Variants in DLGAP2 observed in about 807,000 individuals in gnomAD.
DLGAP2 encodes disks large-associated protein 2.
Under a neutral mutation model 100.3 loss-of-function variants are expected in DLGAP2, and 26 were observed. The observed-to-expected ratio is 0.26, with a 90% CI of 0.19 to 0.36. The LOEUF (loss-of-function observed/expected upper bound fraction) is 0.36, where lower values mean the gene tolerates loss of function less well. Ranked by LOEUF, DLGAP2 falls within the 10% of genes least tolerant of loss-of-function variation. The pLI, the probability that DLGAP2 is intolerant of heterozygous loss-of-function variation, is 1.00. For synonymous variants in DLGAP2, 886 were observed against 630.1 expected (o/e 1.41, Z -6.08); for missense variants, 1,858 against 1,453.2 (o/e 1.28, Z -4.53).
At chr8:811,227 T>C (rs912500505) in intron 1 of DLGAP2, among the ~76,000 whole-genome samples, 1 of 152,244 alleles carries the variant, frequency 6.6e-6, no homozygotes, top group Non-Finnish European at 1.5e-5. Flanking sequence ...GAAAGAGGTT[T>C]CCTCCCTTCT....
chr8:905,417 A>G (rs1584879119), intron 1 of DLGAP2, among the ~76,000 whole-genome samples: 2 of 152,092 alleles, frequency 1.3e-5, no homozygotes, highest in African/African-American at 4.8e-5. Flanking sequence ...CATTCGTCAT[A>G]CCATGCGTCT....
At chr8:1,522,942 G>A (rs1457641334) in intron 4 of DLGAP2, among the ~76,000 whole-genome samples, 1 of 152,190 alleles carries the variant, frequency 6.6e-6, no homozygotes, top group Non-Finnish European at 1.5e-5. Context: ...GGTGACAGAT[G>A]TATATGTTTT....
chr8:949,038 C>T (rs1240231790), intron 2 of DLGAP2, among the ~76,000 whole-genome samples: 1 of 147,950 alleles, frequency 6.8e-6, no homozygotes, highest in East Asian at 2.0e-4. Flanking sequence ...CTTGAGGGGA[C>T]GCCAGGGTGG....
intron 3 of DLGAP2, among the ~76,000 whole-genome samples, chr8:1,324,144 G>C (rs1241527471): frequency 4.6e-5 from 7 of 152,178 alleles, no homozygotes; most frequent in Non-Finnish European, 1.0e-4. Context: ...GACCCCCAAA[G>C]TCTGTATTTT....
At chr8:1,005,094 G>T (rs1465072609) in intron 2 of DLGAP2, among the ~76,000 whole-genome samples, 1 of 152,186 alleles carries the variant, frequency 6.6e-6, no homozygotes, top group South Asian at 2.1e-4. Context: ...TCCTGTGGAT[G>T]GATCGTTATT....
At chr8:1,040,090 T>TGCGTGG (rs1802283309) in intron 2 of DLGAP2, among the ~76,000 whole-genome samples, 1 of 78,310 alleles carries the variant, frequency 1.3e-5, no homozygotes, top group Non-Finnish European at 2.6e-5. Flanking sequence ...TCAGCTCGGT[T>TGCGTGG]TCCGTGGTCG....
In DLGAP2 at chr8:1,065,221, G is replaced by T. The variant is rs143069092; in HGVS notation, c.73+157255G>T. Among the ~76,000 whole-genome samples, 24 of 152,260 alleles carry T rather than the reference G, an allele frequency of 1.6e-4. 1 individual carries two copies. In the East Asian group the frequency reaches 4.6e-3, roughly 29 times the overall value. ...GTGTCTAAACCTCTGACTCAGTAAG[G>T]TCTTTTTAAAGATACAGCCATTGCC... On this transcript the variant is annotated intron_variant, in intron 2 of 14. Transcript: ENST00000637795.
intron 2 of DLGAP2, among the ~76,000 whole-genome samples, chr8:1,070,918 C>T (rs377074663): frequency 1.3e-5 from 2 of 152,232 alleles, no homozygotes; most frequent in African/African-American, 4.8e-5. Context: ...GCTCCAGGAT[C>T]AGGAGGCAGA....
At chr8:1,496,639 C>T (rs554110816) in intron 3 of DLGAP2, among the ~76,000 whole-genome samples, 1 of 152,272 alleles carries the variant, frequency 6.6e-6, no homozygotes, top group African/African-American at 2.4e-5. Flanking sequence ...CATCACAGAC[C>T]CTCTCAGATC....
At chr8:1,581,517 C>G (rs895750497) in intron 6 of DLGAP2, among the ~76,000 whole-genome samples, 3 of 149,692 alleles carry the variant, frequency 2.0e-5, no homozygotes, top group Admixed American at 2.0e-4. Context: ...AGGATACAGA[C>G]AAAACTCCAC....
chr8:1,685,997 A>G (rs906502838), intron 12 of DLGAP2, among the ~76,000 whole-genome samples: 5 of 152,200 alleles, frequency 3.3e-5, no homozygotes, highest in East Asian at 1.9e-4. Context: ...AGTAGCCACT[A>G]TGGAAAGCAG....
At chr8:1,483,299 G>A (rs917896379) in intron 3 of DLGAP2, among the ~76,000 whole-genome samples, 5 of 152,176 alleles carry the variant, frequency 3.3e-5, no homozygotes, top group African/African-American at 4.8e-5. Flanking sequence ...TCTGCCCCAC[G>A]CGTGAGGAAG....
chr8:763,070 A>G (rs189960754), intron 1 of DLGAP2, among the ~76,000 whole-genome samples: 1 of 152,060 alleles, frequency 6.6e-6, no homozygotes, highest in African/African-American at 2.4e-5. Context: ...ATTGGAGAAA[A>G]AAAAAAAGGG....
chr8:1,669,278 G>A (rs1585048072), intron 9 of DLGAP2, among the ~76,000 whole-genome samples: 1 of 152,198 alleles, frequency 6.6e-6, no homozygotes, highest in East Asian at 1.9e-4. Flanking sequence ...GCCCCCAGAT[G>A]TCTACCCATG....
At chr8:950,355 A>G (rs111900336) in intron 2 of DLGAP2, among the ~76,000 whole-genome samples, 1 of 152,236 alleles carries the variant, frequency 6.6e-6, no homozygotes, top group African/African-American at 2.4e-5. Flanking sequence ...AAATCATTCA[A>G]TATCCCTTTG....
intron 3 of DLGAP2, among the ~76,000 whole-genome samples, chr8:1,355,409 G>T (rs375310625): frequency 1.3e-5 from 2 of 151,956 alleles, no homozygotes; most frequent in Non-Finnish European, 2.9e-5. Flanking sequence ...CTGTCACCCA[G>T]GTTGGAGTGC....
chr8:889,800 C>A (rs577913570), intron 1 of DLGAP2, among the ~76,000 whole-genome samples: 21 of 152,336 alleles, frequency 1.4e-4, no homozygotes, highest in Middle Eastern at 6.8e-3. Flanking sequence ...CCCCTCCCCC[C>A]AGGAGTTCTG....
intron 12 of DLGAP2, chr8:1,688,180 C>G (rs1711682516): frequency 6.6e-6 from 1 of 152,322 alleles, no homozygotes; most frequent in Non-Finnish European, 1.5e-5. Flanking sequence ...GCCCTGCCAG[C>G]TCCATCCCGT....
At chr8:751,590 T>C (rs1162318029) in intron 1 of DLGAP2, among the ~76,000 whole-genome samples, 1 of 151,860 alleles carries the variant, frequency 6.6e-6, no homozygotes, top group African/African-American at 2.4e-5. Context: ...TAGTAAGTCC[T>C]TATAATAAGT....
Sources: gnomAD v4.1 joint callset for allele counts (sites outside exome capture counted in the v4.1 genomes callset) on GRCh38, gnomAD v4.1.1 for gene constraint, MANE v1.5 for transcripts, NCBI Gene and HGNC (gene_info 2026-07-23, HGNC 2026-07-21) for gene names.